OR51B5: variants seen among roughly 807,000 people sequenced by gnomAD.
The protein encoded by OR51B5 is olfactory receptor 51B5.
For synonymous variants in OR51B5, 186 were observed against 144.8 expected, an observed-to-expected ratio of 1.28 and a Z score of -2.04; for missense variants, 456 against 374.6, an observed-to-expected ratio of 1.22 and a Z score of -1.79.
At chr11:5,479,433 C>A (rs1590020581) in intron 1 of OR51B5, among the ~76,000 whole-genome samples, 1 of 151,776 alleles carries the variant, frequency 6.6e-6, no homozygotes, top group South Asian at 2.1e-4. Flanking sequence ...ACCATTCAGA[C>A]TAGGAAGAAA....
intron 1 of OR51B5, among the ~76,000 whole-genome samples, chr11:5,438,477 T>C (rs1850623499): frequency 6.6e-6 from 1 of 152,138 alleles, no homozygotes; most frequent in Non-Finnish European, 1.5e-5. Context: ...ATCCAGTTTT[T>C]TCATTCATTT....
At chr11:5,364,157 C>A (rs115237031) in intron 1 of OR51B5, among the ~76,000 whole-genome samples, 1 of 152,082 alleles carries the variant, frequency 6.6e-6, no homozygotes, top group Non-Finnish European at 1.5e-5. Flanking sequence ...TTTCAGGGTT[C>A]AACAAGCGAC....
At chr11:5,444,801 A>G (rs999191255) in intron 1 of OR51B5, among the ~76,000 whole-genome samples, 2 of 152,190 alleles carry the variant, frequency 1.3e-5, no homozygotes, top group African/African-American at 4.8e-5. Context: ...GAGTTGGGCC[A>G]TAAGAGAATT....
At chr11:5,358,642 A>C (rs185334748) in intron 1 of OR51B5, among the ~76,000 whole-genome samples, 4 of 152,262 alleles carry the variant, frequency 2.6e-5, no homozygotes, top group Admixed American at 2.0e-4. Context: ...AACTCATTTT[A>C]TGAGGCCAGC....
At chr11:5,469,551 C>G (rs1396646876) in intron 1 of OR51B5, 2 of 135,960 alleles carry the variant, frequency 1.5e-5, no homozygotes, top group Non-Finnish European at 3.3e-5. Flanking sequence ...ATTCCAGTGC[C>G]AAAGATTTGG....
At chr11:5,382,260 C>T (rs920852921) in intron 1 of OR51B5, among the ~76,000 whole-genome samples, 10 of 152,196 alleles carry the variant, frequency 6.6e-5, no homozygotes, top group African/African-American at 1.9e-4. Context: ...TCCTCACCTC[C>T]ATGCCCTTGC....
chr11:5,407,459 C>G (rs1006585540), intron 1 of OR51B5, among the ~76,000 whole-genome samples: 3 of 152,142 alleles, frequency 2.0e-5, no homozygotes, highest in African/African-American at 7.2e-5. Flanking sequence ...CAGTTGGGCT[C>G]TATATCTCTT....
chr11:5,494,553 A>C (rs1851622191), intron 1 of OR51B5, among the ~76,000 whole-genome samples: 1 of 152,212 alleles, frequency 6.6e-6, no homozygotes, highest in South Asian at 2.1e-4. Context: ...TATAAAATAA[A>C]GTAACAATAA....
At chr11:5,440,355 C>G (rs759785486) in intron 1 of OR51B5, among the ~76,000 whole-genome samples, 6 of 152,176 alleles carry the variant, frequency 3.9e-5, no homozygotes, top group Non-Finnish European at 7.4e-5. Flanking sequence ...TTCATACTCA[C>G]CATTATAACA....
intron 1 of OR51B5, chr11:5,431,100 C>T (rs951585374): frequency 1.4e-5 from 6 of 425,934 alleles, no homozygotes; most frequent in African/African-American, 1.0e-4. Context: ...GGCAATAGGG[C>T]AGTTGCCTCA....
chr11:5,480,077 C>T (rs1010854951), intron 1 of OR51B5, among the ~76,000 whole-genome samples: 1 of 152,052 alleles, frequency 6.6e-6, no homozygotes, highest in Non-Finnish European at 1.5e-5. Context: ...CAGCACCACA[C>T]CTATTCCAAA....
At chr11:5,413,754 G>A (rs1323023386) in intron 1 of OR51B5, among the ~76,000 whole-genome samples, 4 of 151,934 alleles carry the variant, frequency 2.6e-5, no homozygotes, top group South Asian at 2.1e-4. Flanking sequence ...AAAGAAACGA[G>A]CAAAGCCTCC....
Position 5,389,572 on chromosome 11 carries a change from G to C in OR51B5, n.85-42662C>G, listed in dbSNP as rs147949997. ...CCATCTCAGGCAATTGTTTCATTCT[G>C]ATCATTATTAAGACCAACCCTCGTC... On this transcript the variant is annotated intron_variant and non_coding_transcript_variant, in intron 1 of 4. Transcript: ENST00000415970. 1.1e-4 allele frequency: 184 copies of C among 1,613,744 alleles called. 1 individual carries two copies. In the African/African-American group the frequency reaches 2.2e-3, roughly 20 times the overall value.
chr11:5,387,466 C>A (rs887496271), intron 1 of OR51B5, among the ~76,000 whole-genome samples: 6 of 151,872 alleles, frequency 4.0e-5, no homozygotes. Context: ...CTATTTTTTA[C>A]CCCTTGCCAA....
chr11:5,401,890 T>C (rs78734949), intron 1 of OR51B5, among the ~76,000 whole-genome samples: 2,342 of 98,974 alleles, frequency 0.024, 37 homozygotes, highest in African/African-American at 0.058. Flanking sequence ...TTCTCTCTCT[T>C]CCTTCCTTCC....
chr11:5,364,175 G>C (rs560682405), intron 1 of OR51B5, among the ~76,000 whole-genome samples: 1 of 152,238 alleles, frequency 6.6e-6, no homozygotes, highest in South Asian at 2.1e-4. Context: ...GACCACCTAA[G>C]GGCAAAATAT....
At chr11:5,458,407 G>C (rs1344340954) in intron 1 of OR51B5, among the ~76,000 whole-genome samples, 1 of 152,084 alleles carries the variant, frequency 6.6e-6, no homozygotes, top group African/African-American at 2.4e-5. Context: ...CTCTGGTTTT[G>C]TTATTTTTGT....
At chr11:5,379,172 G>A (rs1208358006) in intron 1 of OR51B5, among the ~76,000 whole-genome samples, 1 of 151,912 alleles carries the variant, frequency 6.6e-6, no homozygotes, top group African/African-American at 2.4e-5. Context: ...GGACATGGAT[G>A]AAATTGGAAA....
chr11:5,366,710 G>A (rs1315112039), intron 1 of OR51B5, among the ~76,000 whole-genome samples: 1 of 151,442 alleles, frequency 6.6e-6, no homozygotes, highest in Non-Finnish European at 1.5e-5. Context: ...AAAAGTAGAG[G>A]AGGAGGAAAG....
Sources: allele counts gnomAD v4.1 joint callset (sites outside exome capture counted in the v4.1 genomes callset), GRCh38; gene constraint gnomAD v4.1.1; transcripts MANE v1.5; gene names NCBI Gene and HGNC (gene_info 2026-07-23, HGNC 2026-07-21).